The following PRKN variants were observed in gnomAD, a reference collection of about 807,000 sequenced individuals.
The protein encoded by PRKN is E3 ubiquitin-protein ligase parkin.
In PRKN, 56 loss-of-function variants were observed where a neutral mutation model predicts 59.5. That is an observed-to-expected ratio of 0.94 (90% CI 0.76 to 1.18). The LOEUF (loss-of-function observed/expected upper bound fraction) is 1.18. PRKN is among the 50% of genes most tolerant of loss of function. The pLI is 0.00. For synonymous variants in PRKN, 250 were observed against 222.1 expected, an observed-to-expected ratio of 1.13 and a Z score of -1.12; for missense variants, 657 against 596.4, an observed-to-expected ratio of 1.10 and a Z score of -1.06.
Position 161,542,406 on chromosome 6 carries a change from C to T in PRKN, c.1083+6448G>A, listed in dbSNP as rs922970145. ...ACGGAACACTTTCTAGGAATGTCTG[C>T]CAACTGATAGATGCTTTCCAGATGA... is the stretch of plus-strand genomic sequence containing the variant. On this transcript the variant is annotated intron_variant, in intron 9 of 11. Coordinates refer to ENST00000366898, the MANE Select transcript of PRKN (RefSeq NM_004562.3). 5.3e-5 allele frequency among the ~76,000 whole-genome samples: 8 copies of T among 152,194 alleles called. No individual in the cohort carries two copies. In the East Asian group the frequency reaches 1.5e-3, roughly 29 times the overall value.
At chr6:162,373,180 A>G (rs1197155584) in intron 2 of PRKN, among the ~76,000 whole-genome samples, 1 of 152,238 alleles carries the variant, frequency 6.6e-6, no homozygotes, top group Non-Finnish European at 1.5e-5. Flanking sequence ...ACGATGTGTA[A>G]CTAGTAATAT....
intron 5 of PRKN, among the ~76,000 whole-genome samples, chr6:162,002,849 A>C (rs530788140): frequency 7.9e-5 from 12 of 152,028 alleles, no homozygotes; most frequent in Non-Finnish European, 1.3e-4. Flanking sequence ...TCTGATTTCA[A>C]ATACTCTTGT....
At chr6:162,242,947 C>T (rs1279433128) in intron 3 of PRKN, among the ~76,000 whole-genome samples, 2 of 151,828 alleles carry the variant, frequency 1.3e-5, no homozygotes, top group African/African-American at 2.4e-5. Flanking sequence ...AATAATTAGA[C>T]ATGTTTGTGA....
intron 2 of PRKN, among the ~76,000 whole-genome samples, chr6:162,377,446 G>A (rs1016461452): frequency 5.9e-5 from 9 of 152,338 alleles, no homozygotes; most frequent in African/African-American, 7.2e-5. Context: ...GCCTTCTTGA[G>A]TGCCCTGACG....
intron 1 of PRKN, among the ~76,000 whole-genome samples, chr6:162,477,259 G>A (rs903189062): frequency 6.6e-6 from 1 of 152,060 alleles, no homozygotes; most frequent in African/African-American, 2.4e-5. Context: ...ATCCTGGTAG[G>A]TACCAGGAAA....
chr6:161,376,271 G>A lies in PRKN; in HGVS notation c.1167+10523C>T, dbSNP rs144956345. 1.9e-3 allele frequency among the ~76,000 whole-genome samples: 295 copies of A among 152,186 alleles called. 2 individuals are homozygous for A. Among genetic ancestry groups the A allele is most frequent in the Middle Eastern group, 3.4e-3 (1 of 294 alleles). ...AGATTGTCAGTCTTGCATCTTGATC[G>A]CTGGCTCCAGCCTGGATTCTCCTCT... On this transcript the variant is annotated intron_variant, in intron 10 of 11. Coordinates refer to ENST00000366898, the MANE Select transcript of PRKN (RefSeq NM_004562.3). The surrounding 1 kb of genome is among the most constrained non-coding windows in gnomAD (Gnocchi z 7.3).
chr6:161,692,947 C>CAAAAAAAA (rs59954623), intron 7 of PRKN, among the ~76,000 whole-genome samples: 1 of 120,900 alleles, frequency 8.3e-6, no homozygotes. Context: ...GACTCTGTCT[C>CAAAAAAAA]AAAAAAAAAA....
chr6:162,702,116 A>G (rs1265009113), intron 1 of PRKN, among the ~76,000 whole-genome samples: 1 of 152,138 alleles, frequency 6.6e-6, no homozygotes, highest in Non-Finnish European at 1.5e-5. Context: ...TTGTTCTACA[A>G]GATTAAATTA....
rs1562541800 is a variant in PRKN, at chr6:161,584,946, T to C, written c.872-15530A>G. Among the ~76,000 whole-genome samples, 1 of 152,230 alleles carries C rather than the reference T, an allele frequency of 6.6e-6. No individual in the cohort carries two copies. The highest frequency in any genetic ancestry group is 2.1e-4 in the South Asian group (1 of 4,836). On this transcript the variant is annotated intron_variant, in intron 7 of 11. Coordinates refer to ENST00000366898, the MANE Select transcript of PRKN (RefSeq NM_004562.3). The surrounding 1 kb of genome is among the most constrained non-coding windows in gnomAD (Gnocchi z 4.8). ...TGCTATTTCATAAAGAATGCATTGC[T>C]TCAGATCTGTCAATGAATGTCAACA...
intron 6 of PRKN, among the ~76,000 whole-genome samples, chr6:161,796,618 C>T (rs1290699672): frequency 6.6e-6 from 1 of 152,070 alleles, no homozygotes; most frequent in Non-Finnish European, 1.5e-5. Flanking sequence ...CTTTCCTATC[C>T]CCCAGTTAAT....
At chr6:162,138,997 C>CT (rs1303821736) in intron 4 of PRKN, among the ~76,000 whole-genome samples, 9 of 152,108 alleles carry the variant, frequency 5.9e-5, no homozygotes, top group Admixed American at 5.9e-4. Context: ...TGGAAGGTAA[C>CT]TAAGAGAAAG....
At chr6:161,653,400 T>C (rs561175921) in intron 7 of PRKN, among the ~76,000 whole-genome samples, 15 of 152,072 alleles carry the variant, frequency 9.9e-5, no homozygotes, top group African/African-American at 3.4e-4. Context: ...AAGATGCAAA[T>C]CAACAGTGCT....
At chr6:162,055,808 T>C (rs942738285) in intron 4 of PRKN, among the ~76,000 whole-genome samples, 10 of 152,192 alleles carry the variant, frequency 6.6e-5, no homozygotes, top group Admixed American at 5.9e-4. Flanking sequence ...GGAACCAGTG[T>C]AGAGCCGCCC....
intron 6 of PRKN, among the ~76,000 whole-genome samples, chr6:161,854,084 TAAAAAAAAA>T (rs34040894): frequency 9.6e-6 from 1 of 103,708 alleles, no homozygotes; most frequent in African/African-American, 4.0e-5. Context: ...TGTTTCTACA[TAAAAAAAAA>T]AAAAAAAAAA....
intron 6 of PRKN, among the ~76,000 whole-genome samples, chr6:161,942,299 G>A (rs1779594143): frequency 6.6e-6 from 1 of 152,166 alleles, no homozygotes; most frequent in Non-Finnish European, 1.5e-5. Flanking sequence ...GGGAGGCCGA[G>A]GCAGGTGGAT....
intron 2 of PRKN, among the ~76,000 whole-genome samples, chr6:162,320,460 C>CAA (rs199503719): frequency 3.3e-4 from 37 of 111,632 alleles, no homozygotes; most frequent in South Asian, 1.8e-3. Flanking sequence ...GATACTTCAC[C>CAA]AAAAAAAAAA....
At chr6:162,084,000 A>G (rs114014185) in intron 4 of PRKN, among the ~76,000 whole-genome samples, 1 of 152,138 alleles carries the variant, frequency 6.6e-6, no homozygotes, top group East Asian at 1.9e-4. Flanking sequence ...ATTGAAAATT[A>G]AAAAATAATT....
At chr6:161,958,880 CAA>C (rs35807437) in intron 6 of PRKN, among the ~76,000 whole-genome samples, 18 of 124,518 alleles carry the variant, frequency 1.4e-4, no homozygotes, top group East Asian at 5.0e-4. Context: ...AACTCCATCT[CAA>C]AAAAAAAAAA....
rs1554288884 is a variant in PRKN at position 162,235,985 on chromosome 6, G to GAAAGA, written c.412+26535_412+26539dup. Among the ~76,000 whole-genome samples, 638 of 98,762 alleles carry GAAAGA rather than the reference G, an allele frequency of 6.5e-3. 15 individuals carry two copies. Among genetic ancestry groups the GAAAGA allele is most frequent in the African/African-American group, 0.028 (598 of 20,984 alleles). 64.8% of individuals were successfully genotyped at this position (98,762 alleles called of 152,430 possible). On this transcript the variant is annotated intron_variant, in intron 3 of 11. Transcript: ENST00000366898. ...AGAAAGAAAGAAAGAAAGAAAGAAA[G>GAAAGA]AAAGAAAGAAAGAAAGAAAGAAAGA...
Sources: gnomAD v4.1 joint callset for allele counts (sites outside exome capture counted in the v4.1 genomes callset) on GRCh38, gnomAD v4.1.1 for gene constraint, Gnocchi (gnomAD v3.1) non-coding constraint, MANE v1.5 for transcripts, NCBI Gene and HGNC (gene_info 2026-07-23, HGNC 2026-07-21) for gene names.